The following CEP350 variants were observed in gnomAD, a reference collection of about 807,000 sequenced individuals.
The protein encoded by CEP350 is centrosomal protein 350.
A neutral mutation model predicts 331.8 loss-of-function variants in CEP350; 126 were observed. The ratio of observed to expected loss-of-function variants is 0.38; its 90% CI spans 0.33 to 0.44. CEP350 has a LOEUF of 0.44. Ranked by LOEUF, CEP350 falls within the 20% of genes least tolerant of loss-of-function variation. The pLI is 1.00. For missense variants in CEP350, 3,406 were observed against 3,634.6 expected (o/e 0.94, Z 1.62); for synonymous variants, 1,200 against 1,259.5 (o/e 0.95, Z 1.00).
intron 27 of CEP350, among the ~76,000 whole-genome samples, chr1:180,074,671 C>T (rs1659109408): frequency 6.7e-6 from 1 of 150,334 alleles, no homozygotes; most frequent in Non-Finnish European, 1.5e-5. Context: ...AGAATACATT[C>T]CTTACATCTT....
At chr1:179,981,348 G>C (rs998595954) in intron 1 of CEP350, among the ~76,000 whole-genome samples, 1 of 152,140 alleles carries the variant, frequency 6.6e-6, no homozygotes, top group African/African-American at 2.4e-5. Context: ...AACTGGGAAG[G>C]TGCTTTCATT....
chr1:180,091,616 A>G (rs1293412744), intron 33 of CEP350, among the ~76,000 whole-genome samples: 1 of 152,114 alleles, frequency 6.6e-6, no homozygotes, highest in Non-Finnish European at 1.5e-5. Flanking sequence ...AGGTCACTTG[A>G]GCTCAGGAGT....
chr1:180,025,358 T>C (rs1471885945), intron 14 of CEP350, among the ~76,000 whole-genome samples: 1 of 152,144 alleles, frequency 6.6e-6, no homozygotes, highest in East Asian at 1.9e-4. Flanking sequence ...TTTAAGCTTA[T>C]ATGAAATTAA....
chr1:180,015,769 G>A, intron 10 of CEP350, 80 bp from the exon 11 acceptor site: 1 of 1,475,360 alleles, frequency 6.8e-7, no homozygotes, highest in Non-Finnish European at 9.1e-7. Flanking sequence ...GAGCTGAGGT[G>A]ACTTAATGTT....
rs772865232 is a variant in CEP350, at chr1:180,054,469, G to A, written c.5229G>A (p.Gln1743=). 2 of 1,602,266 alleles carry A rather than the reference G, an allele frequency of 1.2e-6. No homozygotes were observed. The highest frequency in any genetic ancestry group is 2.2e-5 in the East Asian group (1 of 44,578). ...AAATGCCCCCGCTCCGGAAGAAACAGCGTGGTTTGCTTTTAAGGTTGCAGC... is the reference window on the plus strand; with the variant it reads ...AAATGCCCCCGCTCCGGAAGAAACAACGTGGTTTGCTTTTAAGGTTGCAGC... ...DDKMPPLRKK[Q]RGLLLRLQQE... Residue 1743 remains glutamine (Q), a synonymous_variant, in exon 25 of 38, where the codon CAG becomes CAA. Coordinates refer to ENST00000367607, the MANE Select transcript of CEP350 (RefSeq NM_014810.5).
intron 25 of CEP350, 47 bp downstream of exon 25, chr1:180,054,549 A>G: frequency 1.5e-6 from 2 of 1,353,974 alleles, no homozygotes; most frequent in South Asian, 2.5e-5. Context: ...AAGGCAAGTT[A>G]GTTTGTGGAA....
intron 7 of CEP350, among the ~76,000 whole-genome samples, chr1:180,004,422 C>T (rs979195143): frequency 6.6e-6 from 1 of 152,108 alleles, no homozygotes; most frequent in Non-Finnish European, 1.5e-5. Context: ...CAAGTTTTCC[C>T]TCTCTACCAG....
At chr1:180,001,277 G>A (rs186439062) in intron 6 of CEP350, among the ~76,000 whole-genome samples, 2 of 151,998 alleles carry the variant, frequency 1.3e-5, no homozygotes, top group African/African-American at 4.8e-5. Flanking sequence ...TTTATTTTTT[G>A]AGACAGAGTC....
chr1:180,052,481 A>T (rs1051982085), intron 22 of CEP350, among the ~76,000 whole-genome samples: 3 of 152,012 alleles, frequency 2.0e-5, no homozygotes, highest in Non-Finnish European at 2.9e-5. Context: ...AGTATTCAAT[A>T]AAAAAAAGGA....
intron 14 of CEP350, among the ~76,000 whole-genome samples, chr1:180,025,626 T>G (rs1253772503): frequency 6.6e-6 from 1 of 152,192 alleles, no homozygotes; most frequent in African/African-American, 2.4e-5. Flanking sequence ...GAAGCTGTCA[T>G]TCTCAGCAGA....
At chr1:180,033,705 A>T (rs1050836528) in intron 15 of CEP350, among the ~76,000 whole-genome samples, 157 bp from the exon 16 acceptor site, 1 of 152,234 alleles carries the variant, frequency 6.6e-6, no homozygotes, top group African/African-American at 2.4e-5. Flanking sequence ...ATAGTCATTC[A>T]TTCAGCATAG....
At chr1:180,012,907 C>T (rs983975080) in intron 9 of CEP350, among the ~76,000 whole-genome samples, 1 of 152,006 alleles carries the variant, frequency 6.6e-6, no homozygotes, top group Non-Finnish European at 1.5e-5. Context: ...TTAAGTTTTT[C>T]CATCCTTCAC....
At chr1:180,078,166 C>G (rs555031813) in intron 28 of CEP350, among the ~76,000 whole-genome samples, 2 of 151,694 alleles carry the variant, frequency 1.3e-5, no homozygotes, top group Admixed American at 1.3e-4. Context: ...AGAACAAGGA[C>G]CAAAAAGCAA....
intron 6 of CEP350, among the ~76,000 whole-genome samples, chr1:179,998,730 C>T (rs1653657398): frequency 6.6e-6 from 1 of 151,984 alleles, no homozygotes; most frequent in Non-Finnish European, 1.5e-5. Flanking sequence ...TCTTATAGTC[C>T]TAAGGCATCT....
chr1:180,014,598 T>G, intron 10 of CEP350, 93 bp downstream of exon 10: 1 of 1,154,794 alleles, frequency 8.7e-7, no homozygotes, highest in Non-Finnish European at 1.2e-6. Flanking sequence ...ATTCCTAGTA[T>G]GCTCAGATAA....
Position 180,062,364 on chromosome 1 carries a change from T to C in CEP350, c.5407T>C (p.Leu1803=). The change falls in exon 26 of 38, where the codon TTG becomes CTG. Residue 1803 remains leucine, a splice_region_variant and synonymous_variant. Transcript: ENST00000367607. ...EKLKSAGESK[L]DSHSDDDTKD... is the part of the protein sequence containing the mutation. ...ATTGAAGTCTGCAGGGGAGAGTAAA[T>C]TGGTAAACTACATGAAGTTATTATT... The C allele has an allele frequency of 1.3e-6, 2 of 1,593,018 alleles. No homozygotes were observed. Among genetic ancestry groups the C allele is most frequent in the Non-Finnish European group, 1.7e-6 (2 of 1,170,050 alleles).
intron 1 of CEP350, among the ~76,000 whole-genome samples, chr1:179,985,957 T>C (rs778843021): frequency 6.6e-6 from 1 of 152,188 alleles, no homozygotes; most frequent in Non-Finnish European, 1.5e-5. Flanking sequence ...TCCATAGTGA[T>C]TGTGTCATAC....
chr1:180,075,917 A>T (rs1659197325), intron 28 of CEP350, among the ~76,000 whole-genome samples: 1 of 151,980 alleles, frequency 6.6e-6, no homozygotes, highest in African/African-American at 2.4e-5. Flanking sequence ...ACATCGTACC[A>T]CTGCACTCCA....
intron 27 of CEP350, chr1:180,074,010 C>A: frequency 9.7e-7 from 1 of 1,026,726 alleles, no homozygotes; most frequent in Non-Finnish European, 1.3e-6. Flanking sequence ...TTTTTAATAG[C>A]CTGGAGGCCT....
Sources: allele counts gnomAD v4.1 joint callset (sites outside exome capture counted in the v4.1 genomes callset), GRCh38; gene constraint gnomAD v4.1.1; transcripts MANE v1.5; gene names NCBI Gene and HGNC (gene_info 2026-07-23, HGNC 2026-07-21).